Variants in CNTNAP2 observed in about 807,000 individuals in gnomAD.
CNTNAP2 encodes the protein contactin associated protein 2.
A neutral mutation model predicts 155.2 loss-of-function variants in CNTNAP2; 98 were observed. The observed-to-expected ratio is 0.63, with a 90% CI of 0.54 to 0.75. The LOEUF (loss-of-function observed/expected upper bound fraction) is 0.75. Ranked by LOEUF, CNTNAP2 falls within the 30% of genes least tolerant of loss-of-function variation. The pLI is 0.00. For missense variants in CNTNAP2, 1,727 were observed against 1,688.1 expected, an observed-to-expected ratio of 1.02 and a Z score of -0.40; for synonymous variants, 651 against 631.2, an observed-to-expected ratio of 1.03 and a Z score of -0.47.
At chr7:148,410,565 CAAAAAAAAAAA>C (rs56258191) in intron 23 of CNTNAP2, among the ~76,000 whole-genome samples, 1 of 112,872 alleles carries the variant, frequency 8.9e-6, no homozygotes, top group Non-Finnish European at 1.7e-5. Flanking sequence ...AGACCTTTCT[CAAAAAAAAAAA>C]AAAAAAAAAA....
chr7:147,200,733 G>A (rs1262017328), intron 8 of CNTNAP2, among the ~76,000 whole-genome samples: 1 of 152,208 alleles, frequency 6.6e-6, no homozygotes, highest in Non-Finnish European at 1.5e-5. Context: ...CTCCCAACAT[G>A]CATATGTTCT....
chr7:148,411,457 G>A (rs954742256), intron 23 of CNTNAP2, among the ~76,000 whole-genome samples: 19 of 152,166 alleles, frequency 1.2e-4, no homozygotes, highest in Non-Finnish European at 1.2e-4. Context: ...GTAGAGACAG[G>A]ATTGTACCAT....
chr7:147,186,803 G>A (rs1158999540), intron 8 of CNTNAP2, among the ~76,000 whole-genome samples: 1 of 152,208 alleles, frequency 6.6e-6, no homozygotes, highest in African/African-American at 2.4e-5. Context: ...GCAGAGGGAA[G>A]TGAAGGAGGG....
chr7:147,893,012 G>C (rs1244323791), intron 13 of CNTNAP2, among the ~76,000 whole-genome samples: 1 of 152,100 alleles, frequency 6.6e-6, no homozygotes, highest in Non-Finnish European at 1.5e-5. Flanking sequence ...GAATTACCAG[G>C]TTTTCCCAAA....
Position 147,957,637 on chromosome 7 carries a change from C to T in CNTNAP2, c.2256-20225C>T, listed in dbSNP as rs542558667. 3.9e-4 allele frequency among the ~76,000 whole-genome samples: 59 copies of T among 151,992 alleles called. 1 individual carries two copies. In the Middle Eastern group the frequency reaches 0.01, roughly 26 times the overall value. ...ATTGCAATGATTATGTATTCAGTTC[C>T]GGTTAACCAAGAAATTAAGCATTTT... On this transcript the variant is annotated intron_variant, in intron 14 of 23. Coordinates refer to ENST00000361727, the MANE Select transcript of CNTNAP2 (RefSeq NM_014141.6).
chr7:146,121,119 C>CTTTTTTTTTTTTTTTTT lies in CNTNAP2; in HGVS notation c.97+4157_97+4173dup, dbSNP rs745449281. On this transcript the variant is annotated intron_variant, in intron 1 of 23. Transcript: ENST00000361727. ...TGTCTTAAAGTTTACATAAAGCTTC[C>CTTTTTTTTTTTTTTTTT]TTTTTTTTTTTTTTTTTTTTTTTTT... Among the ~76,000 whole-genome samples the CTTTTTTTTTTTTTTTTT allele has an allele frequency of 2.4e-4, 16 of 65,782 alleles. 1 individual carries two copies. The highest frequency in any genetic ancestry group is 5.2e-4 in the East Asian group (1 of 1,914). The allele number at this position is 65,782 out of a possible 152,430, so 43.2% of individuals were successfully genotyped here.
At chr7:146,988,343 TTATA>T (rs771080024) in intron 3 of CNTNAP2, among the ~76,000 whole-genome samples, 1 of 151,458 alleles carries the variant, frequency 6.6e-6, no homozygotes, top group Non-Finnish European at 1.5e-5. Context: ...AACAGGGTAT[TTATA>T]TATATATATG....
intron 1 of CNTNAP2, among the ~76,000 whole-genome samples, chr7:146,245,771 T>C (rs1021350594): frequency 1.3e-5 from 2 of 152,044 alleles, no homozygotes; most frequent in Non-Finnish European, 2.9e-5. Flanking sequence ...ACAGCCCAGG[T>C]AATTTGCTGA....
intron 1 of CNTNAP2, among the ~76,000 whole-genome samples, chr7:146,728,628 AAAC>A (rs771101919): frequency 6.6e-6 from 1 of 151,410 alleles, no homozygotes; most frequent in Non-Finnish European, 1.5e-5. Flanking sequence ...AAAAAAAACG[AAAC>A]AACAGCCTTT....
intron 14 of CNTNAP2, among the ~76,000 whole-genome samples, chr7:147,975,851 G>A (rs912488298): frequency 6.6e-6 from 1 of 152,006 alleles, no homozygotes; most frequent in Admixed American, 6.6e-5. Context: ...GATAGTCAGT[G>A]GGATATTTGC....
intron 1 of CNTNAP2, among the ~76,000 whole-genome samples, chr7:146,695,798 G>C (rs749528765): frequency 6.6e-6 from 1 of 152,076 alleles, no homozygotes; most frequent in Admixed American, 6.6e-5. Context: ...TGCATATTTT[G>C]TTGAATGGCT....
At chr7:148,411,034 T>C (rs947081997) in intron 23 of CNTNAP2, among the ~76,000 whole-genome samples, 2 of 152,064 alleles carry the variant, frequency 1.3e-5, no homozygotes, top group Non-Finnish European at 2.9e-5. Context: ...TAAAAATGTA[T>C]CAGAAGATTT....
At chr7:146,594,597 C>T (rs1405448267) in intron 1 of CNTNAP2, among the ~76,000 whole-genome samples, 2 of 152,072 alleles carry the variant, frequency 1.3e-5, no homozygotes, top group Non-Finnish European at 2.9e-5. Context: ...GATTTGTACA[C>T]AAATTACATA....
At chr7:147,507,419 C>A (rs752310004) in intron 11 of CNTNAP2, among the ~76,000 whole-genome samples, 1 of 152,112 alleles carries the variant, frequency 6.6e-6, no homozygotes, top group Admixed American at 6.6e-5. Context: ...ACCCTTCAAC[C>A]CTTCAACGTG....
intron 13 of CNTNAP2, among the ~76,000 whole-genome samples, chr7:147,860,686 C>T (rs1468469792): frequency 2.0e-5 from 3 of 152,058 alleles, no homozygotes; most frequent in Non-Finnish European, 4.4e-5. Flanking sequence ...TCTACTTCTG[C>T]CATGACTGTA....
intron 10 of CNTNAP2, among the ~76,000 whole-genome samples, chr7:147,449,718 T>G (rs1797799515): frequency 6.6e-6 from 1 of 152,160 alleles, no homozygotes; most frequent in South Asian, 2.1e-4. Context: ...AATCTAATTC[T>G]TAGAATGGAG....
At chr7:146,699,788 C>A (rs1433982557) in intron 1 of CNTNAP2, among the ~76,000 whole-genome samples, 1 of 151,802 alleles carries the variant, frequency 6.6e-6, no homozygotes, top group Non-Finnish European at 1.5e-5. Flanking sequence ...GCCAACACAG[C>A]GAAACCCCGT....
At chr7:148,256,665 C>A (rs559861332) in intron 20 of CNTNAP2, among the ~76,000 whole-genome samples, 29 of 152,186 alleles carry the variant, frequency 1.9e-4, no homozygotes, top group African/African-American at 6.0e-4. Context: ...TGGAGAGAGC[C>A]CCAGCTCCCA....
chr7:147,961,356 A>G (rs1253020453), intron 14 of CNTNAP2, among the ~76,000 whole-genome samples: 3 of 152,162 alleles, frequency 2.0e-5, no homozygotes, highest in African/African-American at 7.2e-5. Context: ...AATCTCTTGT[A>G]TGCTCATTTG....
Sources: gnomAD v4.1 joint callset for allele counts (sites outside exome capture counted in the v4.1 genomes callset) on GRCh38, gnomAD v4.1.1 for gene constraint, MANE v1.5 for transcripts, NCBI Gene and HGNC (gene_info 2026-07-23, HGNC 2026-07-21) for gene names.